ZNF438: variants seen among roughly 807,000 people sequenced by gnomAD.
ZNF438 encodes the protein zinc finger protein 438.
Under a neutral mutation model 38.0 loss-of-function variants are expected in ZNF438, and 25 were observed. The ratio of observed to expected loss-of-function variants is 0.66; its 90% CI spans 0.48 to 0.92. ZNF438 has a LOEUF of 0.92. Ranked by LOEUF, ZNF438 falls within the 40% of genes least tolerant of loss-of-function variation. The pLI, the probability that ZNF438 is intolerant of heterozygous loss-of-function variation, is 0.00. For missense variants in ZNF438, 1,007 were observed against 999.6 expected (o/e 1.01, Z -0.10); for synonymous variants, 372 against 364.1 (o/e 1.02, Z -0.25).
intron 1 of ZNF438, among the ~76,000 whole-genome samples, chr10:30,992,550 T>C (rs967146677): frequency 7.2e-5 from 11 of 152,110 alleles, no homozygotes; most frequent in African/African-American, 1.2e-4. Flanking sequence ...GTAGCTGGGA[T>C]TACAGGCATG....
chr10:30,948,011 T>C (rs1425370818), intron 1 of ZNF438, among the ~76,000 whole-genome samples: 1 of 152,136 alleles, frequency 6.6e-6, no homozygotes, highest in African/African-American at 2.4e-5. Flanking sequence ...ACCGGAGCTG[T>C]TCCTATTCGG....
intron 2 of ZNF438, among the ~76,000 whole-genome samples, chr10:30,924,618 T>C (rs2044702126): frequency 6.6e-6 from 1 of 152,236 alleles, no homozygotes; most frequent in South Asian, 2.1e-4. Context: ...GGTTTCAATA[T>C]TGATAACATT....
intron 2 of ZNF438, among the ~76,000 whole-genome samples, chr10:30,914,472 A>G (rs2134669275): frequency 6.6e-6 from 1 of 152,156 alleles, no homozygotes. Context: ...TGAGTTCGAG[A>G]AAAACTAGGA....
chr10:30,888,167 G>A (rs2040199294), intron 3 of ZNF438, among the ~76,000 whole-genome samples: 1 of 151,990 alleles, frequency 6.6e-6, no homozygotes, highest in Non-Finnish European at 1.5e-5. Flanking sequence ...ATTATTAAGT[G>A]GTCTATTAAG....
intron 2 of ZNF438, among the ~76,000 whole-genome samples, chr10:30,916,664 C>G (rs1055612254): frequency 3.3e-5 from 5 of 151,952 alleles, no homozygotes; most frequent in African/African-American, 9.7e-5. Context: ...TGGTTTTATT[C>G]TGTTCATGAG....
intron 4 of ZNF438, among the ~76,000 whole-genome samples, chr10:30,875,938 C>T (rs2038347878): frequency 6.6e-6 from 1 of 152,212 alleles, no homozygotes; most frequent in Non-Finnish European, 1.5e-5. Context: ...CATATAAGTG[C>T]CTACTATGCA....
At chr10:30,951,775 C>T (rs2048230641) in intron 1 of ZNF438, among the ~76,000 whole-genome samples, 1 of 149,430 alleles carries the variant, frequency 6.7e-6, no homozygotes, top group Admixed American at 6.7e-5. Context: ...GAAGAACATT[C>T]CATGCTCATG....
chr10:30,955,028 A>G, intron 1 of ZNF438, among the ~76,000 whole-genome samples: 1 of 152,184 alleles, frequency 6.6e-6, no homozygotes, highest in East Asian at 1.9e-4. Flanking sequence ...GTAAAGCTGT[A>G]TGTTTCCTGT....
intron 5 of ZNF438, among the ~76,000 whole-genome samples, chr10:30,846,806 TC>T (rs1484366917): frequency 6.6e-6 from 1 of 152,100 alleles, no homozygotes; most frequent in Non-Finnish European, 1.5e-5. Context: ...AAGGCCCCTT[TC>T]CCCCCACGGG....
At chr10:30,992,187 G>A (rs914347718) in intron 1 of ZNF438, among the ~76,000 whole-genome samples, 3 of 152,116 alleles carry the variant, frequency 2.0e-5, no homozygotes, top group Non-Finnish European at 2.9e-5. Context: ...TTATTTTTTG[G>A]TATTCTGTTA....
rs2049393748 is a variant in ZNF438 at position 30,960,938 on chromosome 10, A to C, written c.-191-19287T>G. ...TTTTCCCACCCCCGACACTCACATC[A>C]ACAAACATTTACTGAATGCCTACTA... On this transcript the variant is annotated intron_variant, in intron 1 of 5. Transcript: ENST00000413025. Among the ~76,000 whole-genome samples, 3 of 146,552 alleles carry C rather than the reference A, an allele frequency of 2.0e-5. 1 individual carries two copies. In the South Asian group the frequency reaches 6.5e-4, roughly 32 times the overall value.
At chr10:30,929,104 AG>A (rs2045311288) in intron 2 of ZNF438, among the ~76,000 whole-genome samples, 2 of 152,232 alleles carry the variant, frequency 1.3e-5, no homozygotes. Flanking sequence ...AGAAGAAAGC[AG>A]GTGGTGGCCA....
chr10:30,993,911 T>C (rs2053779956), intron 1 of ZNF438, among the ~76,000 whole-genome samples: 1 of 152,292 alleles, frequency 6.6e-6, no homozygotes, highest in Non-Finnish European at 1.5e-5. Flanking sequence ...AAGGAGATTA[T>C]TCTCCAGCTG....
At chr10:30,965,930 T>A (rs1476030208) in intron 1 of ZNF438, among the ~76,000 whole-genome samples, 1 of 152,162 alleles carries the variant, frequency 6.6e-6, no homozygotes, top group Non-Finnish European at 1.5e-5. Flanking sequence ...AAAGTTGAAA[T>A]GATTTTTAAA....
intron 3 of ZNF438, among the ~76,000 whole-genome samples, chr10:30,895,016 A>C (rs2041151170): frequency 6.6e-6 from 1 of 152,252 alleles, no homozygotes; most frequent in Non-Finnish European, 1.5e-5. Flanking sequence ...CTCTGTTTAG[A>C]GGTGTTAGCA....
chr10:30,948,122 C>T (rs527554395), intron 1 of ZNF438, among the ~76,000 whole-genome samples: 4 of 151,822 alleles, frequency 2.6e-5, no homozygotes, highest in Non-Finnish European at 5.9e-5. Flanking sequence ...CTGGGAGGCA[C>T]CCCCCAGCAG....
At chr10:30,908,580 G>C (rs2042797217) in intron 3 of ZNF438, among the ~76,000 whole-genome samples, 2 of 152,170 alleles carry the variant, frequency 1.3e-5, no homozygotes, top group South Asian at 4.1e-4. Context: ...GGTAGGAAAT[G>C]AATGCAGCTG....
intron 5 of ZNF438, among the ~76,000 whole-genome samples, chr10:30,847,668 G>A (rs1258773157): frequency 6.6e-6 from 1 of 152,188 alleles, no homozygotes; most frequent in Non-Finnish European, 1.5e-5. Context: ...CCTGAGCCAG[G>A]GCAGTGACTC....
intron 2 of ZNF438, among the ~76,000 whole-genome samples, chr10:30,938,379 G>T (rs897090142): frequency 6.6e-6 from 1 of 151,772 alleles, no homozygotes; most frequent in African/African-American, 2.4e-5. Flanking sequence ...GGATTCAAGC[G>T]ATTCTCCTGT....
Sources: allele counts gnomAD v4.1 joint callset (sites outside exome capture counted in the v4.1 genomes callset), GRCh38; gene constraint gnomAD v4.1.1; transcripts MANE v1.5; gene names NCBI Gene and HGNC (gene_info 2026-07-23, HGNC 2026-07-21).